UNC5D: variants seen among roughly 807,000 people sequenced by gnomAD.
The protein encoded by UNC5D is unc-5 netrin receptor D.
UNC5D carries 39 observed loss-of-function variants against 105.4 expected under a neutral mutation model. The observed-to-expected ratio is 0.37, with a 90% CI of 0.29 to 0.48. The LOEUF is 0.48. UNC5D is among the 20% of genes least tolerant of loss of function. The pLI, the probability that UNC5D is intolerant of heterozygous loss-of-function variation, is 0.98. For synonymous variants in UNC5D, 452 were observed against 450.4 expected (o/e 1.00, Z -0.04); for missense variants, 991 against 1,202.4 (o/e 0.82, Z 2.60).
In UNC5D at chr8:35,309,411, T is replaced by C. The variant is rs116320876; in HGVS notation, c.103+73524T>C. The stretch of plus-strand genomic sequence containing the variant: ...AGGGATAACACCCAGAATCATTGTG[T>C]ATCCTATGTCTCTCTCATGGCTCAT... On this transcript the variant is annotated intron_variant, in intron 1 of 16. Transcript: ENST00000404895. Among the ~76,000 whole-genome samples, 145 of 152,284 alleles carry C rather than the reference T, an allele frequency of 9.5e-4. 1 individual carries two copies. The highest frequency in any genetic ancestry group is 3.4e-3 in the Middle Eastern group (1 of 294).
intron 1 of UNC5D, among the ~76,000 whole-genome samples, chr8:35,289,656 G>C (rs990261782): frequency 7.9e-5 from 12 of 152,150 alleles, no homozygotes; most frequent in Non-Finnish European, 2.9e-5. Context: ...GTGATAACAG[G>C]TTAACATCCA....
intron 1 of UNC5D, among the ~76,000 whole-genome samples, chr8:35,495,222 C>T (rs758341774): frequency 5.9e-5 from 9 of 152,080 alleles, no homozygotes; most frequent in Admixed American, 2.0e-4. Flanking sequence ...TTCAGAACAG[C>T]AGCACAGGAA....
intron 1 of UNC5D, among the ~76,000 whole-genome samples, chr8:35,495,323 C>T (rs1414335087): frequency 1.3e-5 from 2 of 151,648 alleles, no homozygotes; most frequent in Non-Finnish European, 2.9e-5. Flanking sequence ...TCTTTTTATA[C>T]CACATAGGAA....
Position 35,790,563 on chromosome 8 carries a change from G to C in UNC5D, c.2862G>C (p.Ter954TyrextTer9), listed in dbSNP as rs142470006. 80 of 1,613,610 alleles carry C rather than the reference G, an allele frequency of 5.0e-5. No individual in the cohort carries two copies. The highest frequency in any genetic ancestry group is 4.7e-4 in the African/African-American group (35 of 75,026). The change falls in exon 17 of 17, where the codon TAG (stop) becomes TAC (tyrosine). Residue 954 changes from the stop codon to tyrosine (Y), a stop_lost. Coordinates refer to ENST00000404895, the MANE Select transcript of UNC5D (RefSeq NM_080872.4). The stretch of plus-strand genomic sequence containing the variant: ...ACTACAGCAGGCAAAATGGACTCTA[G>C]TCCACTTCCTCCCATGAGACAGAGT... ...DFNYSRQNGL[*>Y]
At chr8:35,678,824 C>T (rs776826167) in intron 4 of UNC5D, among the ~76,000 whole-genome samples, 1 of 152,092 alleles carries the variant, frequency 6.6e-6, no homozygotes, top group Non-Finnish European at 1.5e-5. Flanking sequence ...TCTTTTCTCT[C>T]TCTTTTTTCT....
rs142145759 is a variant in UNC5D, at chr8:35,245,471, G to T, written c.103+9584G>T. ...TGATTACTAGCAGCTTGTATCGGGA[G>T]GTTTCCAAAGTTGTTTCTCTTAAAA... On this transcript the variant is annotated intron_variant, in intron 1 of 16. Transcript: ENST00000404895. 1.3e-3 allele frequency among the ~76,000 whole-genome samples: 202 copies of T among 152,108 alleles called. 1 individual carries two copies. Among genetic ancestry groups the T allele is most frequent in the Middle Eastern group, 0.01 (3 of 294 alleles).
At chr8:35,288,121 A>G (rs776797980) in intron 1 of UNC5D, among the ~76,000 whole-genome samples, 1 of 152,156 alleles carries the variant, frequency 6.6e-6, no homozygotes, top group Non-Finnish European at 1.5e-5. Flanking sequence ...GTTGCCAATC[A>G]AATTGAACCC....
intron 8 of UNC5D, among the ~76,000 whole-genome samples, chr8:35,715,690 G>A (rs1272720601): frequency 6.6e-6 from 1 of 152,126 alleles, no homozygotes; most frequent in Non-Finnish European, 1.5e-5. Flanking sequence ...TGTGTTTGTA[G>A]GCAGGGGGCA....
chr8:35,528,036 C>A (rs991768188), intron 1 of UNC5D, among the ~76,000 whole-genome samples: 1 of 133,106 alleles, frequency 7.5e-6, no homozygotes, highest in Non-Finnish European at 1.6e-5. Context: ...CTAGAAACAG[C>A]TGGTTTTTTT....
chr8:35,279,047 C>A (rs1392598540), intron 1 of UNC5D, among the ~76,000 whole-genome samples: 3 of 152,160 alleles, frequency 2.0e-5, no homozygotes, highest in African/African-American at 7.2e-5. Flanking sequence ...AATACAATTT[C>A]TGCCCTGTCC....
chr8:35,254,937 T>G (rs1455895268), intron 1 of UNC5D: 1 of 152,208 alleles, frequency 6.6e-6, no homozygotes, highest in Non-Finnish European at 1.5e-5. Context: ...AAATTTCAAA[T>G]GAGCTTATAA....
At chr8:35,399,447 C>G (rs1227812354) in intron 1 of UNC5D, among the ~76,000 whole-genome samples, 3 of 151,962 alleles carry the variant, frequency 2.0e-5, no homozygotes, top group Non-Finnish European at 4.4e-5. Context: ...ATTATATTCT[C>G]TAGAGATAGA....
chr8:35,290,212 A>C (rs1806936142), intron 1 of UNC5D, among the ~76,000 whole-genome samples: 1 of 152,194 alleles, frequency 6.6e-6, no homozygotes, highest in African/African-American at 2.4e-5. Flanking sequence ...TCATTGCAGC[A>C]TTATTCACAA....
chr8:35,636,684 T>C (rs945367803), intron 4 of UNC5D, among the ~76,000 whole-genome samples: 1 of 152,100 alleles, frequency 6.6e-6, no homozygotes, highest in African/African-American at 2.4e-5. Context: ...TGCTGGGGGA[T>C]GGGGTAGGGG....
At chr8:35,581,764 AAAATT>A (rs1391308169) in intron 3 of UNC5D, among the ~76,000 whole-genome samples, 1 of 152,108 alleles carries the variant, frequency 6.6e-6, no homozygotes, top group East Asian at 1.9e-4. Flanking sequence ...TAAAAACAAA[AAAATT>A]AAAAGAAAAA....
Position 35,452,747 on chromosome 8 carries a change from T to C in UNC5D, c.104-96545T>C, listed in dbSNP as rs73672300. ...CATGCTGAGAAAGAAGGACATTACA[T>C]AGAAAAATAAGTGGGTATTACCTAC... is the stretch of plus-strand genomic sequence containing the variant. On this transcript the variant is annotated intron_variant, in intron 1 of 16. Coordinates refer to ENST00000404895, the MANE Select transcript of UNC5D (RefSeq NM_080872.4). Among the ~76,000 whole-genome samples, 946 of 152,212 alleles carry C rather than the reference T, an allele frequency of 6.2e-3. 7 individuals are homozygous for C. Among genetic ancestry groups the C allele is most frequent in the African/African-American group, 0.022 (905 of 41,530 alleles).
chr8:35,339,575 C>T (rs75592545), intron 1 of UNC5D, among the ~76,000 whole-genome samples: 4,629 of 152,308 alleles, frequency 0.03, 85 homozygotes, highest in Middle Eastern at 0.054. Context: ...CGTGGAAACA[C>T]GGATGTGTGT....
chr8:35,622,343 AAAAC>A (rs201722040), intron 4 of UNC5D, among the ~76,000 whole-genome samples: 4,758 of 152,128 alleles, frequency 0.031, 99 homozygotes, highest in Middle Eastern at 0.058. Context: ...ACTCTGTCTC[AAAAC>A]AAACAAACAA....
intron 16 of UNC5D, among the ~76,000 whole-genome samples, chr8:35,777,038 G>A (rs1802280856): frequency 2.6e-5 from 4 of 152,162 alleles, no homozygotes; most frequent in Non-Finnish European, 5.9e-5. Context: ...GGCGGATCAC[G>A]AGGTCAGGAG....
Sources: allele counts gnomAD v4.1 joint callset (sites outside exome capture counted in the v4.1 genomes callset), GRCh38; gene constraint gnomAD v4.1.1; transcripts MANE v1.5; gene names NCBI Gene and HGNC (gene_info 2026-07-23, HGNC 2026-07-21).